DPP10: variants seen among roughly 807,000 people sequenced by gnomAD.
The protein encoded by DPP10 is dipeptidyl peptidase like 10, also known as inactive dipeptidyl peptidase 10.
DPP10 carries 33 observed loss-of-function variants against 120.9 expected under a neutral mutation model. The ratio of observed to expected loss-of-function variants is 0.27; its 90% CI spans 0.21 to 0.37. The LOEUF (loss-of-function observed/expected upper bound fraction) is 0.37, where lower values mean the gene tolerates loss of function less well. Ranked by LOEUF, DPP10 falls within the 10% of genes least tolerant of loss-of-function variation. The pLI is 1.00. For missense variants in DPP10, 816 were observed against 942.8 expected, an observed-to-expected ratio of 0.87 and a Z score of 1.76; for synonymous variants, 337 against 326.1, an observed-to-expected ratio of 1.03 and a Z score of -0.36.
chr2:115,006,733 C>A (rs1158975454), intron 1 of DPP10, among the ~76,000 whole-genome samples: 1 of 151,904 alleles, frequency 6.6e-6, no homozygotes, highest in African/African-American at 2.4e-5. Flanking sequence ...CCTGAGTGAC[C>A]TAAAAAGAGA....
chr2:115,293,672 C>A (rs1175203169), intron 1 of DPP10, among the ~76,000 whole-genome samples: 1 of 151,844 alleles, frequency 6.6e-6, no homozygotes, highest in Admixed American at 6.6e-5. Context: ...GTAATGTACC[C>A]TGTAAGTGGA....
At chr2:115,691,001 G>T (rs1196009659) in intron 7 of DPP10, among the ~76,000 whole-genome samples, 1 of 152,130 alleles carries the variant, frequency 6.6e-6, no homozygotes, top group African/African-American at 2.4e-5. Flanking sequence ...TTAACATTTA[G>T]TATTTCCTTG....
At chr2:115,086,622 A>G (rs1169962397) in intron 1 of DPP10, among the ~76,000 whole-genome samples, 1 of 151,900 alleles carries the variant, frequency 6.6e-6, no homozygotes, top group Non-Finnish European at 1.5e-5. Context: ...ATGCCTGGCT[A>G]ATTTTTTGTA....
At chr2:115,273,093 C>A (rs766705645) in intron 1 of DPP10, among the ~76,000 whole-genome samples, 1 of 152,030 alleles carries the variant, frequency 6.6e-6, no homozygotes, top group Admixed American at 6.5e-5. Flanking sequence ...GACAGAGGGA[C>A]AAATAATCTG....
intron 1 of DPP10, among the ~76,000 whole-genome samples, chr2:115,288,838 T>C (rs1027361340): frequency 2.6e-5 from 4 of 152,102 alleles, no homozygotes; most frequent in African/African-American, 9.7e-5. Flanking sequence ...GCCAATATAA[T>C]ACTGAATGGG....
intron 1 of DPP10, among the ~76,000 whole-genome samples, chr2:114,836,556 G>C (rs1687754717): frequency 6.6e-6 from 1 of 152,276 alleles, no homozygotes; most frequent in East Asian, 1.9e-4. Context: ...AATATCACTA[G>C]GAAAATGGAG....
chr2:114,510,244 T>A (rs1684016265), intron 1 of DPP10, among the ~76,000 whole-genome samples: 1 of 152,216 alleles, frequency 6.6e-6, no homozygotes, highest in Non-Finnish European at 1.5e-5. Context: ...CACTTCCTTT[T>A]CTTTTCTCAA....
chr2:115,771,627 G>A (rs1681483585), intron 13 of DPP10, among the ~76,000 whole-genome samples: 1 of 151,980 alleles, frequency 6.6e-6, no homozygotes, highest in African/African-American at 2.4e-5. Flanking sequence ...AAACAGTAAT[G>A]CATGCCAGCA....
At chr2:114,492,997 G>A (rs936259694) in intron 1 of DPP10, among the ~76,000 whole-genome samples, 1 of 152,158 alleles carries the variant, frequency 6.6e-6, no homozygotes, top group Non-Finnish European at 1.5e-5. Context: ...CAGGTACTAT[G>A]AGAAATAGTA....
intron 1 of DPP10, among the ~76,000 whole-genome samples, chr2:114,449,473 T>C (rs946206412): frequency 4.0e-5 from 6 of 151,866 alleles, no homozygotes; most frequent in Admixed American, 1.3e-4. Flanking sequence ...GTTTTTCTTT[T>C]TTTTTTTTTT....
intron 1 of DPP10, among the ~76,000 whole-genome samples, chr2:114,690,081 G>A (rs1167964687): frequency 3.9e-5 from 6 of 151,924 alleles, no homozygotes; most frequent in African/African-American, 1.4e-4. Flanking sequence ...ATGCTCTTTA[G>A]TTTAATTAGA....
intron 1 of DPP10, among the ~76,000 whole-genome samples, chr2:114,735,836 A>T (rs1165988291): frequency 6.6e-6 from 1 of 151,958 alleles, no homozygotes; most frequent in Non-Finnish European, 1.5e-5. Flanking sequence ...TGAGTAGGAG[A>T]CTTTAGGACT....
At chr2:115,102,395 T>TTTTGTTTG (rs141019149) in intron 1 of DPP10, among the ~76,000 whole-genome samples, 8 of 150,786 alleles carry the variant, frequency 5.3e-5, no homozygotes, top group Admixed American at 1.3e-4. Context: ...GGGAGGGGTT[T>TTTTGTTTG]TTTGTTTGTT....
At chr2:114,915,780 T>G (rs561823752) in intron 1 of DPP10, among the ~76,000 whole-genome samples, 2 of 152,332 alleles carry the variant, frequency 1.3e-5, no homozygotes, top group East Asian at 3.9e-4. Context: ...ATTAAGAAAT[T>G]ATTTGAAACT....
intron 3 of DPP10, among the ~76,000 whole-genome samples, chr2:115,416,581 A>C (rs1422304995): frequency 6.6e-6 from 1 of 152,176 alleles, no homozygotes; most frequent in Non-Finnish European, 1.5e-5. Flanking sequence ...CAAGTTCTTA[A>C]CTACTAAATT....
At chr2:114,637,824 G>A (rs867790436) in intron 1 of DPP10, among the ~76,000 whole-genome samples, 9 of 151,630 alleles carry the variant, frequency 5.9e-5, no homozygotes, top group African/African-American at 2.2e-4. Flanking sequence ...TAGGTTTTCC[G>A]TTCTGTTCCA....
At chr2:114,790,116 C>T (rs772420840) in intron 1 of DPP10, among the ~76,000 whole-genome samples, 2 of 152,120 alleles carry the variant, frequency 1.3e-5, no homozygotes, top group Non-Finnish European at 1.5e-5. Context: ...ATAAGGCCAC[C>T]TTAATTACTG....
intron 2 of DPP10, among the ~76,000 whole-genome samples, chr2:115,328,179 G>A (rs746015394): frequency 2.0e-5 from 3 of 152,004 alleles, no homozygotes; most frequent in African/African-American, 7.2e-5. Flanking sequence ...TAACACTTTA[G>A]GGTAAAAGGA....
At chr2:114,752,475 A>G (rs768621328) in intron 1 of DPP10, among the ~76,000 whole-genome samples, 2 of 152,300 alleles carry the variant, frequency 1.3e-5, no homozygotes, top group Non-Finnish European at 2.9e-5. Context: ...GCTGCTTTAC[A>G]TCATCCTGAA....
Sources: gnomAD v4.1 joint callset for allele counts (sites outside exome capture counted in the v4.1 genomes callset) on GRCh38, gnomAD v4.1.1 for gene constraint, MANE v1.5 for transcripts, NCBI Gene and HGNC (gene_info 2026-07-23, HGNC 2026-07-21) for gene names.